POLN: variants seen among roughly 807,000 people sequenced by gnomAD.
POLN encodes the protein DNA polymerase nu.
POLN carries 108 observed loss-of-function variants against 113.5 expected under a neutral mutation model. The observed-to-expected ratio is 0.95, with a 90% confidence interval of 0.81 to 1.12. POLN has a LOEUF of 1.12. Among genes scored for constraint, POLN ranks in the 50% most tolerant of loss-of-function variants. The pLI is 0.00. For missense variants in POLN, 1,097 were observed against 1,077.1 expected (o/e 1.02, Z -0.26); for synonymous variants, 386 against 391.5 (o/e 0.99, Z 0.17).
chr4:2,097,638 G>A (rs1164080600), intron 19 of POLN, among the ~76,000 whole-genome samples: 3 of 148,998 alleles, frequency 2.0e-5, no homozygotes, highest in Non-Finnish European at 3.0e-5. Context: ...GTGAGCCACC[G>A]CACCAGGCTC....
At chr4:2,153,964 G>A (rs1272375913) in intron 16 of POLN, among the ~76,000 whole-genome samples, 7 of 151,404 alleles carry the variant, frequency 4.6e-5, no homozygotes, top group Non-Finnish European at 5.9e-5. Context: ...TTGGGAGGCC[G>A]AGGCGGGCGG....
intron 2 of POLN, chr4:2,238,621 C>T (rs764948409): frequency 1.9e-6 from 3 of 1,598,290 alleles, no homozygotes; most frequent in Non-Finnish European, 1.7e-6. Context: ...TAGAATAATC[C>T]TTAGTATCAA....
intron 19 of POLN, among the ~76,000 whole-genome samples, chr4:2,109,912 A>AT (rs546724907): frequency 6.3e-4 from 95 of 151,868 alleles, no homozygotes; most frequent in Non-Finnish European, 1.1e-3. Context: ...TAAATATCCC[A>AT]TTTTTTCTCC....
At chr4:2,178,278 C>A (rs760625983) in intron 8 of POLN, among the ~76,000 whole-genome samples, 28 of 152,228 alleles carry the variant, frequency 1.8e-4, no homozygotes, top group Non-Finnish European at 3.5e-4. Context: ...CACCTCTTAC[C>A]CCCAGCTCAG....
chr4:2,075,563 G>A (rs755528030), intron 23 of POLN, 44 bp from the exon 24 acceptor site: 6 of 1,601,440 alleles, frequency 3.7e-6, no homozygotes, highest in African/African-American at 2.7e-5. Flanking sequence ...CAGGACTGTG[G>A]GGCGTGGGCC....
At chr4:2,229,840 AT>A (rs1425608268) in intron 2 of POLN, 1 of 152,212 alleles carries the variant, frequency 6.6e-6, no homozygotes. Flanking sequence ...TAAAAAATAA[AT>A]AAATAAATAA....
intron 3 of POLN, among the ~76,000 whole-genome samples, chr4:2,222,345 C>A (rs1285876226): frequency 6.6e-6 from 1 of 151,918 alleles, no homozygotes; most frequent in Non-Finnish European, 1.5e-5. Context: ...GAATTCGAGA[C>A]CAGACTGGGC....
rs529827705 is a variant in POLN, at chr4:2,172,017, A to G, written c.1375-836T>C. Among the ~76,000 whole-genome samples, 8 of 152,316 alleles carry G rather than the reference A, an allele frequency of 5.3e-5. No individual in the cohort carries two copies. The East Asian group carries it at 1.3e-3, about 26-fold the overall frequency. ...CAGAATACATCAGGATATCCTATAC[A>G]TCAGTAAGAAAAAATATAAAAATGG... On this transcript the variant is annotated intron_variant, in intron 11 of 25. Transcript: ENST00000511885.
At chr4:2,198,762 G>A (rs768580129) in intron 5 of POLN, 45 bp from the exon 6 acceptor site, 12 of 1,478,084 alleles carry the variant, frequency 8.1e-6, no homozygotes, top group African/African-American at 1.4e-5. Context: ...CAACATATCT[G>A]TTGTAGAAAG....
At position 2,145,151 on chromosome 4, in the gene POLN, A is replaced by G. The variant is rs1314301802; in HGVS notation, c.1731+11637T>C. Among the ~76,000 whole-genome samples the G allele has an allele frequency of 5.3e-5, 8 of 152,172 alleles. No individual in the cohort carries two copies. In the East Asian group the frequency reaches 7.7e-4, roughly 15 times the overall value. ...AAATTCCAAGGGAATTAAAGACTCA[A>G]TGTAAAAAGTAACTTTATTAAGAGA... On this transcript the variant is annotated intron_variant, in intron 16 of 25. Transcript: ENST00000511885.
intron 16 of POLN, among the ~76,000 whole-genome samples, chr4:2,144,918 C>T (rs189210577): frequency 2.4e-4 from 37 of 152,208 alleles, no homozygotes; most frequent in Admixed American, 2.2e-3. Context: ...TGTAATGAAA[C>T]TATTGGAAGT....
chr4:2,105,743 G>C (rs11930717), intron 19 of POLN, among the ~76,000 whole-genome samples: 16,896 of 151,844 alleles, frequency 0.11, 3,172 homozygotes, highest in African/African-American at 0.38. Flanking sequence ...CACCACCCAT[G>C]ACTCCCTACC....
chr4:2,096,585 C>A (rs1269468543), intron 19 of POLN, among the ~76,000 whole-genome samples: 1 of 151,678 alleles, frequency 6.6e-6, no homozygotes, highest in Non-Finnish European at 1.5e-5. Flanking sequence ...CTGACATGTA[C>A]CCTCGGTGCC....
chr4:2,073,269 T>C (rs972403718), intron 24 of POLN, among the ~76,000 whole-genome samples: 10 of 152,170 alleles, frequency 6.6e-5, no homozygotes, highest in Non-Finnish European at 1.5e-4. Context: ...AGGATGCCTC[T>C]CGCAGGCCCC....
intron 15 of POLN, among the ~76,000 whole-genome samples, chr4:2,157,285 A>T (rs1199104782): frequency 6.6e-6 from 1 of 152,164 alleles, no homozygotes; most frequent in Non-Finnish European, 1.5e-5. Flanking sequence ...TCTTCCTCAA[A>T]TGAGTCCAGA....
chr4:2,121,450 A>ATATATATAT (rs542371348), intron 19 of POLN, among the ~76,000 whole-genome samples: 6 of 120,386 alleles, frequency 5.0e-5, no homozygotes, highest in Non-Finnish European at 7.1e-5. Flanking sequence ...AAAAAAAAAA[A>ATATATATAT]AAATATATAT....
At chr4:2,214,363 T>C (rs1577778009) in intron 3 of POLN, among the ~76,000 whole-genome samples, 1 of 152,084 alleles carries the variant, frequency 6.6e-6, no homozygotes, top group Non-Finnish European at 1.5e-5. Flanking sequence ...TAGAAAAGGA[T>C]AGATTAATTA....
chr4:2,196,167 C>T (rs985722942), intron 6 of POLN, among the ~76,000 whole-genome samples: 19 of 152,046 alleles, frequency 1.2e-4, no homozygotes, highest in Non-Finnish European at 2.5e-4. Flanking sequence ...AAGTATGTCC[C>T]ATGCAATATT....
chr4:2,228,773 T>C (rs1734474225), intron 3 of POLN: 2 of 223,234 alleles, frequency 9.0e-6, no homozygotes, highest in South Asian at 1.7e-4. Context: ...CCACACAAAA[T>C]AGCAAATACT....
Sources: gnomAD v4.1 joint callset for allele counts (sites outside exome capture counted in the v4.1 genomes callset) on GRCh38, gnomAD v4.1.1 for gene constraint, MANE v1.5 for transcripts, NCBI Gene and HGNC (gene_info 2026-07-23, HGNC 2026-07-21) for gene names.